Variants in RBMS3 observed in about 807,000 individuals in gnomAD.
RBMS3 encodes the protein RNA binding motif single stranded interacting protein 3.
A neutral mutation model predicts 66.8 loss-of-function variants in RBMS3; 27 were observed. The ratio of observed to expected loss-of-function variants is 0.40; its 90% confidence interval spans 0.30 to 0.56. RBMS3 has a LOEUF of 0.56. RBMS3 is among the 20% of genes least tolerant of loss of function. The pLI is 0.40. For synonymous variants in RBMS3, 188 were observed against 183.0 expected (o/e 1.03, Z -0.22); for missense variants, 513 against 549.5 (o/e 0.93, Z 0.66).
intron 6 of RBMS3, among the ~76,000 whole-genome samples, chr3:29,793,273 A>G (rs1261009380): frequency 6.6e-6 from 1 of 151,806 alleles, no homozygotes; most frequent in Non-Finnish European, 1.5e-5. Context: ...AAGCAGAAAG[A>G]GAAACCTAGT....
At chr3:29,705,653 C>A (rs966710129) in intron 4 of RBMS3, among the ~76,000 whole-genome samples, 6 of 152,078 alleles carry the variant, frequency 3.9e-5, no homozygotes, top group African/African-American at 1.4e-4. Flanking sequence ...ACCTGTCCAC[C>A]CTCCTGCACA....
chr3:29,779,949 C>T (rs780386759), intron 6 of RBMS3, among the ~76,000 whole-genome samples: 10 of 149,310 alleles, frequency 6.7e-5, no homozygotes, highest in Admixed American at 1.3e-4. Flanking sequence ...AAGCACATAA[C>T]GGAATAATTA....
At chr3:29,630,856 T>C (rs915973843) in intron 4 of RBMS3, among the ~76,000 whole-genome samples, 1 of 151,972 alleles carries the variant, frequency 6.6e-6, no homozygotes, top group Admixed American at 6.6e-5. Flanking sequence ...CAAGTTAGCA[T>C]TTGAACATTT....
intron 4 of RBMS3, among the ~76,000 whole-genome samples, chr3:29,724,978 GA>G (rs1050376671): frequency 3.3e-5 from 5 of 152,068 alleles, no homozygotes; most frequent in African/African-American, 1.2e-4. Context: ...ACTAGAAGAT[GA>G]AAAAACTATT....
At chr3:29,724,171 T>G (rs1444416404) in intron 4 of RBMS3, among the ~76,000 whole-genome samples, 1 of 152,172 alleles carries the variant, frequency 6.6e-6, no homozygotes. Flanking sequence ...TCATTATCAA[T>G]TTAATATGCC....
At chr3:29,596,526 A>G (rs976754382) in intron 4 of RBMS3, among the ~76,000 whole-genome samples, 2 of 152,238 alleles carry the variant, frequency 1.3e-5, no homozygotes, top group Non-Finnish European at 2.9e-5. Flanking sequence ...TTTAATTCTT[A>G]CTAGGGTCCT....
intron 12 of RBMS3, among the ~76,000 whole-genome samples, chr3:29,960,275 G>A (rs1402531940): frequency 6.6e-6 from 1 of 152,178 alleles, no homozygotes; most frequent in Non-Finnish European, 1.5e-5. Flanking sequence ...AAATCTCAAA[G>A]CTCCAAAATG....
intron 2 of RBMS3, among the ~76,000 whole-genome samples, chr3:29,455,481 T>C (rs2042155305): frequency 6.6e-6 from 1 of 152,128 alleles, no homozygotes; most frequent in Non-Finnish European, 1.5e-5. Context: ...GTGGAAAGTG[T>C]AGGGTAAGAT....
intron 1 of RBMS3, among the ~76,000 whole-genome samples, chr3:29,404,538 G>T (rs945359631): frequency 2.6e-5 from 4 of 152,040 alleles, no homozygotes; most frequent in Admixed American, 2.6e-4. Context: ...TATTTCTGTA[G>T]GATTTTCCCT....
chr3:29,895,935 T>C (rs2060115641), intron 8 of RBMS3, among the ~76,000 whole-genome samples: 1 of 151,488 alleles, frequency 6.6e-6, no homozygotes, highest in South Asian at 2.1e-4. Context: ...TTTTCTCTTT[T>C]TGTCATTATA....
intron 8 of RBMS3, among the ~76,000 whole-genome samples, chr3:29,896,871 T>G (rs2149602252): frequency 6.6e-6 from 1 of 151,672 alleles, no homozygotes; most frequent in Admixed American, 6.6e-5. Flanking sequence ...CATTCCAACC[T>G]CGATACAAAT....
At chr3:29,880,180 G>T (rs1333302129) in intron 7 of RBMS3, among the ~76,000 whole-genome samples, 1 of 151,936 alleles carries the variant, frequency 6.6e-6, no homozygotes, top group Non-Finnish European at 1.5e-5. Flanking sequence ...GTCCTATTTT[G>T]GCTGAAATAC....
chr3:29,297,291 G>A (rs1413326940), intron 1 of RBMS3, among the ~76,000 whole-genome samples: 1 of 151,750 alleles, frequency 6.6e-6, no homozygotes, highest in Admixed American at 6.6e-5. Flanking sequence ...GGTGAAGAAT[G>A]CCAATATATT....
rs149022808 is a variant in RBMS3, at chr3:29,535,710, C to CTTTTTTTTTTTTTTTTTTTTT, written c.307+47222_307+47242dup. Among the ~76,000 whole-genome samples, 8 of 39,744 alleles carry CTTTTTTTTTTTTTTTTTTTTT rather than the reference C, an allele frequency of 2.0e-4. 2 individuals are homozygous for CTTTTTTTTTTTTTTTTTTTTT. The highest frequency in any genetic ancestry group is 6.1e-4 in the African/African-American group (6 of 9,860). 26.1% of individuals were successfully genotyped at this position (39,744 alleles called of 152,430 possible). A position where few individuals can be genotyped will look rare whatever the true frequency, so the allele number is the denominator to read the frequency against. On this transcript the variant is annotated intron_variant, in intron 3 of 14. Coordinates refer to ENST00000383767, the MANE Select transcript of RBMS3 (RefSeq NM_001003793.3). ...GAGTTCAATGATTGAGATCATTGCT[C>CTTTTTTTTTTTTTTTTTTTTT]TTTTTTTTTTTTTTTTTTTTTTTTT...
chr3:29,973,416 A>G (rs1244959283), intron 12 of RBMS3, among the ~76,000 whole-genome samples: 1 of 152,004 alleles, frequency 6.6e-6, no homozygotes, highest in Non-Finnish European at 1.5e-5. Context: ...ATAGCTTTAT[A>G]TATGTAAGAT....
chr3:29,281,715 C>G lies in RBMS3; in HGVS notation c.34C>G (p.Pro12Ala), dbSNP rs1304320461. 6.2e-7 allele frequency: 1 copy of G among 1,613,468 alleles called. No individual in the cohort carries two copies. The highest frequency in any genetic ancestry group is 8.5e-7 in the Non-Finnish European group (1 of 1,179,704). The part of the protein sequence containing the change: ...GKRLDQPQMY[P>A]QYTYYYPHYL... ...ACGCCTGGATCAGCCACAAATGTACCCCCAGTACACTTACTACTATCCTCA... is the reference window on the plus strand; with the variant it reads ...ACGCCTGGATCAGCCACAAATGTACGCCCAGTACACTTACTACTATCCTCA... Residue 12 changes from proline to alanine, a missense_variant, in exon 1 of 15, where the codon CCC becomes GCC. Transcript: ENST00000383767.
At chr3:29,881,468 C>G (rs1451919339) in intron 7 of RBMS3, among the ~76,000 whole-genome samples, 1 of 152,114 alleles carries the variant, frequency 6.6e-6, no homozygotes, top group African/African-American at 2.4e-5. Flanking sequence ...GAAACTCAGG[C>G]TCAAATAGGT....
intron 10 of RBMS3, among the ~76,000 whole-genome samples, chr3:29,917,227 T>C (rs1460359059): frequency 1.3e-5 from 2 of 152,070 alleles, no homozygotes; most frequent in Non-Finnish European, 2.9e-5. Flanking sequence ...GCAAATGATG[T>C]TAAATATTTG....
chr3:29,908,543 T>A (rs1040970767), intron 10 of RBMS3, among the ~76,000 whole-genome samples: 8 of 152,084 alleles, frequency 5.3e-5, no homozygotes, highest in African/African-American at 1.9e-4. Flanking sequence ...AATCAATAAT[T>A]TGTAATTTTT....
Sources: gnomAD v4.1 joint callset for allele counts (sites outside exome capture counted in the v4.1 genomes callset) on GRCh38, gnomAD v4.1.1 for gene constraint, MANE v1.5 for transcripts, NCBI Gene and HGNC (gene_info 2026-07-23, HGNC 2026-07-21) for gene names.